Variants in CREBZF observed in about 807,000 individuals in gnomAD.
The protein encoded by CREBZF is HCF-binding transcription factor Zhangfei.
CREBZF carries 8 observed loss-of-function variants against 21.1 expected under a neutral mutation model. The ratio of observed to expected loss-of-function variants is 0.38; its 90% CI spans 0.22 to 0.68. The LOEUF is 0.68. Ranked by LOEUF, CREBZF falls within the 30% of genes least tolerant of loss-of-function variation. The pLI is 0.51. For missense variants in CREBZF, 518 were observed against 484.3 expected, an observed-to-expected ratio of 1.07 and a Z score of -0.65; for synonymous variants, 270 against 223.3, an observed-to-expected ratio of 1.21 and a Z score of -1.86.
intron 1 of CREBZF, among the ~76,000 whole-genome samples, chr11:85,680,935 C>CT (rs2082972741): frequency 1.3e-5 from 2 of 152,240 alleles, no homozygotes; most frequent in African/African-American, 4.8e-5. Context: ...AGAGCCCTGC[C>CT]TTTGCCAGGT....
Position 85,662,055 on chromosome 11 carries a change from G to A in CREBZF, c.*1756C>T, listed in dbSNP as rs78958047. 0.045 allele frequency: 9,606 copies of A among 213,458 alleles called. 941 individuals carry two copies. Among genetic ancestry groups the A allele is most frequent in the African/African-American group, 0.21 (9,095 of 43,442 alleles). 13.2% of individuals were successfully genotyped at this position (213,458 alleles called of 1,614,324 possible). A position where few individuals can be genotyped will look rare whatever the true frequency, so the allele number is the denominator to read the frequency against. On this transcript the variant is annotated 3_prime_UTR_variant, in exon 1 of 1. Transcript: ENST00000527447. ...GTGAGGGGCTTGCTCCTGCCCTTAG[G>A]TATAAGCAGGTTCATCACTCCAATT...
In CREBZF at chr11:85,658,931, C is replaced by A. The variant is rs907364421; in HGVS notation, c.*4880G>T. Among the ~76,000 whole-genome samples, 5 of 151,892 alleles carry A rather than the reference C, an allele frequency of 3.3e-5. No individual in the cohort carries two copies. Among genetic ancestry groups the A allele is most frequent in the Admixed American group, 6.6e-5 (1 of 15,254 alleles). ...AATATTTTCAACAATTTTGGGTCAA[C>A]AAAAAGTATGGAATATTTTAAGACA... On this transcript the variant is annotated 3_prime_UTR_variant, in exon 1 of 1. Transcript: ENST00000527447.
At chr11:85,679,925 T>C (rs1196626756) in intron 1 of CREBZF, among the ~76,000 whole-genome samples, 1 of 152,258 alleles carries the variant, frequency 6.6e-6, no homozygotes, top group Non-Finnish European at 1.5e-5. Context: ...AAGATTCTTT[T>C]ATTTTTGTTT....
At chr11:85,680,447 A>T (rs1047694787) in intron 1 of CREBZF, among the ~76,000 whole-genome samples, 2 of 152,262 alleles carry the variant, frequency 1.3e-5, no homozygotes, top group African/African-American at 4.8e-5. Context: ...GGATTAGATC[A>T]TCAAGTGGGA....
intron 1 of CREBZF, among the ~76,000 whole-genome samples, chr11:85,672,618 G>A (rs290183): frequency 0.28 from 42,599 of 152,020 alleles, 6,524 homozygotes; most frequent in East Asian, 0.39. Flanking sequence ...TCCACTTCCA[G>A]GTGGCTCATT....
At chr11:85,674,166 C>A (rs1483203654) in intron 1 of CREBZF, among the ~76,000 whole-genome samples, 1 of 152,176 alleles carries the variant, frequency 6.6e-6, no homozygotes, top group African/African-American at 2.4e-5. Flanking sequence ...TTAGATAGAT[C>A]AGAGGAATCA....
upstream of CREBZF, among the ~76,000 whole-genome samples, chr11:85,667,799 A>G (rs1291682381): frequency 6.6e-6 from 1 of 152,106 alleles, no homozygotes; most frequent in Non-Finnish European, 1.5e-5. Context: ...CTCTATTAAA[A>G]ATACAAAAAA....
chr11:85,662,216 G>C lies in CREBZF; in HGVS notation c.*1595C>G. The C allele has an allele frequency of 1.7e-6, 1 of 576,938 alleles. No homozygotes were observed. Among genetic ancestry groups the C allele is most frequent in the South Asian group, 2.2e-5 (1 of 45,222 alleles). 35.7% of individuals were successfully genotyped at this position (576,938 alleles called of 1,614,324 possible). A position where few individuals can be genotyped will look rare whatever the true frequency, so the allele number is the denominator to read the frequency against. ...ATCTAGCAACAAAACATTTACAGTTGTGCAAGAACAAGGATTCCATTTTCA... is the reference window on the plus strand; with the variant it reads ...ATCTAGCAACAAAACATTTACAGTTCTGCAAGAACAAGGATTCCATTTTCA... On this transcript the variant is annotated 3_prime_UTR_variant, in exon 1 of 1. Transcript: ENST00000527447.
chr11:85,675,471 G>A (rs1283432005), intron 1 of CREBZF, among the ~76,000 whole-genome samples: 1 of 152,164 alleles, frequency 6.6e-6, no homozygotes, highest in Non-Finnish European at 1.5e-5. Flanking sequence ...ACATTCATCA[G>A]TGAAGTTTGC....
chr11:85,675,711 A>G (rs964034611), intron 1 of CREBZF, among the ~76,000 whole-genome samples: 1 of 152,212 alleles, frequency 6.6e-6, no homozygotes, highest in African/African-American at 2.4e-5. Flanking sequence ...AAAATGCCAT[A>G]TACGTGAAGC....
chr11:85,673,739 A>G (rs1230716751), intron 1 of CREBZF, among the ~76,000 whole-genome samples: 1 of 152,216 alleles, frequency 6.6e-6, no homozygotes, highest in African/African-American at 2.4e-5. Flanking sequence ...TGCCTATGGG[A>G]GAACTTCTTT....
In CREBZF at chr11:85,662,276, A is replaced by C. The variant is rs963768933; in HGVS notation, c.*1535T>G. On this transcript the variant is annotated 3_prime_UTR_variant, in exon 1 of 1. Transcript: ENST00000527447. ...AACAAAATAAAACATTTTATGTGTA[A>C]GATAACTTACATCTTTGGACTGCTG... 4.9e-6 allele frequency: 3 copies of C among 614,472 alleles called. No individual in the cohort carries two copies. Among genetic ancestry groups the C allele is most frequent in the African/African-American group, 3.7e-5 (2 of 54,138 alleles). 38.1% of individuals were successfully genotyped at this position (614,472 alleles called of 1,614,324 possible). A position where few individuals can be genotyped will look rare whatever the true frequency, so the allele number is the denominator to read the frequency against.
chr11:85,672,005 C>T (rs575500467), intron 1 of CREBZF, among the ~76,000 whole-genome samples: 7 of 152,370 alleles, frequency 4.6e-5, no homozygotes, highest in South Asian at 4.1e-4. Context: ...ATGGGAGCCC[C>T]GCTCCTGCAG....
intron 1 of CREBZF, among the ~76,000 whole-genome samples, chr11:85,673,646 T>C (rs1047846695): frequency 6.6e-6 from 1 of 152,194 alleles, no homozygotes; most frequent in African/African-American, 2.4e-5. Context: ...TCTTAAAATA[T>C]GACAGTAAAG....
upstream of CREBZF, among the ~76,000 whole-genome samples, chr11:85,665,609 A>G (rs1321769065): frequency 6.6e-6 from 1 of 151,510 alleles, no homozygotes; most frequent in Non-Finnish European, 1.5e-5. Context: ...TTCCATATGT[A>G]TAGAAATATC....
chr11:85,671,475 G>A lies in CREBZF; in HGVS notation n.148-7874C>T, dbSNP rs150956251. On this transcript the variant is annotated intron_variant and non_coding_transcript_variant, in intron 1 of 3. Transcript: ENST00000531515. The stretch of plus-strand genomic sequence containing the variant: ...TTCAGCATTAACTCAAAAGTCCACA[G>A]TCCAAAGTCTCATTGGAGGCAAGGC... Among the ~76,000 whole-genome samples, 605 of 152,282 alleles carry A rather than the reference G, an allele frequency of 4.0e-3. 7 individuals carry two copies. Among genetic ancestry groups the A allele is most frequent in the African/African-American group, 0.013 (529 of 41,556 alleles).
At chr11:85,680,227 T>C (rs573329774) in intron 1 of CREBZF, among the ~76,000 whole-genome samples, 11 of 152,332 alleles carry the variant, frequency 7.2e-5, no homozygotes, top group African/African-American at 2.4e-4. Flanking sequence ...CTGGAGATAG[T>C]TCTATATCAA....
intron 1 of CREBZF, chr11:85,682,644 T>G: frequency 1.6e-4 from 44 of 273,486 alleles, no homozygotes; most frequent in Middle Eastern, 1.3e-3. Flanking sequence ...TCTTCCCCCA[T>G]ATAACGTGGA....
rs139261841 is a variant in CREBZF at position 85,658,713 on chromosome 11, T to C, written c.*5098A>G. ...GACAATATATTTTATAAAGCCCAAA[T>C]TATAGTACACTAAGAGCCAGAGGGG... On this transcript the variant is annotated 3_prime_UTR_variant, in exon 1 of 1. Coordinates refer to ENST00000527447, the MANE Select transcript of CREBZF (RefSeq NM_001039618.4). Among the ~76,000 whole-genome samples the C allele has an allele frequency of 2.0e-5, 3 of 151,188 alleles. No individual in the cohort carries two copies. Among genetic ancestry groups the C allele is most frequent in the Admixed American group, 2.0e-4 (3 of 15,218 alleles).
Sources: allele counts gnomAD v4.1 joint callset (sites outside exome capture counted in the v4.1 genomes callset), GRCh38; gene constraint gnomAD v4.1.1; transcripts MANE v1.5; gene names NCBI Gene and HGNC (gene_info 2026-07-23, HGNC 2026-07-21).